The following GNB5 variants were observed in gnomAD, a reference collection of about 807,000 sequenced individuals.
GNB5 encodes guanine nucleotide-binding protein subunit beta-5.
In GNB5, 37 loss-of-function variants were observed where a neutral mutation model predicts 55.3. The observed-to-expected ratio is 0.67, with a 90% confidence interval of 0.51 to 0.88. The LOEUF (loss-of-function observed/expected upper bound fraction) is 0.88. Ranked by LOEUF, GNB5 falls within the 40% of genes least tolerant of loss-of-function variation. GNB5 has a pLI of 0.00. For missense variants in GNB5, 476 were observed against 515.3 expected (o/e 0.92, Z 0.74); for synonymous variants, 219 against 198.5 (o/e 1.10, Z -0.87).
In GNB5 at chr15:52,118,332, C is replaced by T. The variant is rs1280636188; in HGVS notation, c.*4425G>A. ...GACCCTTTCAGGGGGTCCTCACGGTCAAAACTATTTTCATAATAATATTGA... is the reference window on the plus strand; with the variant it reads ...GACCCTTTCAGGGGGTCCTCACGGTTAAAACTATTTTCATAATAATATTGA... On this transcript the variant is annotated 3_prime_UTR_variant, in exon 13 of 13. Coordinates refer to ENST00000261837, the MANE Select transcript of GNB5 (RefSeq NM_016194.4). The T allele has an allele frequency of 7.3e-5, 11 of 151,670 alleles. No individual in the cohort carries two copies. Among genetic ancestry groups the T allele is most frequent in the African/African-American group, 2.7e-4 (11 of 41,270 alleles). The allele number at this position is 151,670 out of a possible 1,614,324, so 9.4% of individuals were successfully genotyped here.
chr15:52,159,000 C>T (rs1381475190), intron 3 of GNB5, among the ~76,000 whole-genome samples: 1 of 152,076 alleles, frequency 6.6e-6, no homozygotes, highest in Non-Finnish European at 1.5e-5. Context: ...TATCTGAGCT[C>T]AGTCGAAAGG....
At chr15:52,137,404 A>AG (rs969364548) in intron 7 of GNB5, 156 of 1,030,040 alleles carry the variant, frequency 1.5e-4, no homozygotes, top group Non-Finnish European at 1.8e-4. Flanking sequence ...GACAAACTCC[A>AG]GGGGGGCCTA....
chr15:52,169,538 C>CAAA lies in GNB5; in HGVS notation c.238+10227_238+10229dup, dbSNP rs60470864. Among the ~76,000 whole-genome samples, 438 of 71,428 alleles carry CAAA rather than the reference C, an allele frequency of 6.1e-3. 10 individuals carry two copies. The highest frequency in any genetic ancestry group is 0.025 in the East Asian group (42 of 1,696). The allele number at this position is 71,428 out of a possible 152,430, so 46.9% of individuals were successfully genotyped here. On this transcript the variant is annotated intron_variant, in intron 3 of 12. Coordinates refer to ENST00000261837, the MANE Select transcript of GNB5 (RefSeq NM_016194.4). Reference sequence around the variant, plus strand: ...GGGTGACAAGAGCGAGACTCTGTCTCAAAAAAAAAAAAAAAAAAAAAAAAA... The same window carrying CAAA: ...GGGTGACAAGAGCGAGACTCTGTCTCAAAAAAAAAAAAAAAAAAAAAAAAAAAA...
At chr15:52,186,511 G>C (rs1011960207) in intron 1 of GNB5, among the ~76,000 whole-genome samples, 1 of 152,168 alleles carries the variant, frequency 6.6e-6, no homozygotes, top group Non-Finnish European at 1.5e-5. Context: ...GGAGATGTGG[G>C]TGCTGTGGCC....
At chr15:52,167,967 A>C (rs751701534) in intron 3 of GNB5, among the ~76,000 whole-genome samples, 1 of 152,246 alleles carries the variant, frequency 6.6e-6, no homozygotes, top group Non-Finnish European at 1.5e-5. Flanking sequence ...TTCATGTTAA[A>C]AACTCGCAAT....
chr15:52,161,973 C>G (rs1214213187), intron 3 of GNB5, among the ~76,000 whole-genome samples: 1 of 152,172 alleles, frequency 6.6e-6, no homozygotes, highest in African/African-American at 2.4e-5. Context: ...GAAGGCAGAG[C>G]TGAGCTGGTG....
At chr15:52,126,097 G>T in intron 10 of GNB5, 53 bp from the exon 11 acceptor site, 1 of 853,964 alleles carries the variant, frequency 1.2e-6, no homozygotes, top group Admixed American at 2.0e-5. Context: ...GTTTGGTGAC[G>T]TGATGACCAC....
At chr15:52,130,602 C>T (rs2033549789) in intron 9 of GNB5, among the ~76,000 whole-genome samples, 3 of 152,234 alleles carry the variant, frequency 2.0e-5, no homozygotes, top group Admixed American at 2.0e-4. Context: ...ACCACCATAA[C>T]ATTTTCTCTC....
chr15:52,134,183 T>C (rs1000466726), intron 8 of GNB5, among the ~76,000 whole-genome samples: 2 of 152,236 alleles, frequency 1.3e-5, no homozygotes, highest in Non-Finnish European at 2.9e-5. Flanking sequence ...TTTTCCATTA[T>C]CCTATCAAGG....
rs560438741 is a variant in GNB5, at chr15:52,136,016, T to C, written c.628-260A>G. The stretch of plus-strand genomic sequence containing the variant: ...TTTATATGGTTGTGGTTATTGCTTA[T>C]GCCGGGGGCAGTCAATCAGAGGCTT... On this transcript the variant is annotated intron_variant, in intron 7 of 12. Coordinates refer to ENST00000261837, the MANE Select transcript of GNB5 (RefSeq NM_016194.4). Among the ~76,000 whole-genome samples, 6 of 143,148 alleles carry C rather than the reference T, an allele frequency of 4.2e-5. No individual in the cohort carries two copies. The Admixed American group carries it at 4.3e-4, about 10-fold the overall frequency. The allele number at this position is 143,148 out of a possible 152,430, so 93.9% of individuals were successfully genotyped here. A position where few individuals can be genotyped will look rare whatever the true frequency, so the allele number is the denominator to read the frequency against.
chr15:52,122,540 C>A lies in GNB5; in HGVS notation c.*217G>T. ...AGTGTTCCAAAAGAAAAATACTGTA[C>A]TTGAAGGTATTCTCGCAGTGCTGAA... On this transcript the variant is annotated 3_prime_UTR_variant, in exon 13 of 13. Coordinates refer to ENST00000261837, the MANE Select transcript of GNB5 (RefSeq NM_016194.4). 1 of 533,934 alleles carries A rather than the reference C, an allele frequency of 1.9e-6. No individual in the cohort carries two copies. The highest frequency in any genetic ancestry group is 3.3e-6 in the Non-Finnish European group (1 of 302,170). The allele number at this position is 533,934 out of a possible 1,614,324, so 33.1% of individuals were successfully genotyped here. A position where few individuals can be genotyped will look rare whatever the true frequency, so the allele number is the denominator to read the frequency against.
At chr15:52,128,694 A>T (rs1191739253) in intron 9 of GNB5, 1 of 464,368 alleles carries the variant, frequency 2.2e-6, no homozygotes, top group Non-Finnish European at 4.3e-6. Context: ...CAGTTTCCTC[A>T]TCTGAAAAGT....
chr15:52,156,683 T>A (rs2141217835), intron 3 of GNB5, among the ~76,000 whole-genome samples: 1 of 152,178 alleles, frequency 6.6e-6, no homozygotes, highest in African/African-American at 2.4e-5. Flanking sequence ...TGGGCAGAGG[T>A]CGCAGTGAGC....
intron 10 of GNB5, among the ~76,000 whole-genome samples, chr15:52,127,413 G>T (rs1254649732): frequency 6.6e-6 from 1 of 151,948 alleles, no homozygotes; most frequent in Non-Finnish European, 1.5e-5. Context: ...AACTCCATTC[G>T]TATCTACAGG....
intron 6 of GNB5, among the ~76,000 whole-genome samples, chr15:52,147,005 A>AT (rs2033991160): frequency 1.3e-5 from 2 of 152,066 alleles, no homozygotes; most frequent in Non-Finnish European, 2.9e-5. Context: ...AAGGCTATCC[A>AT]TTTTTCAAGG....
intron 1 of GNB5, among the ~76,000 whole-genome samples, chr15:52,190,810 A>C (rs1001211606): frequency 8.9e-5 from 7 of 78,856 alleles, no homozygotes; most frequent in South Asian, 4.5e-4. Flanking sequence ...AAAAAAAAAA[A>C]AAAAAAAACA....
At chr15:52,158,587 TGG>T (rs1165950833) in intron 3 of GNB5, among the ~76,000 whole-genome samples, 1 of 151,968 alleles carries the variant, frequency 6.6e-6, no homozygotes, top group African/African-American at 2.4e-5. Flanking sequence ...TCACTAGCAC[TGG>T]GAGTGGGAGG....
rs557064535 is a variant in GNB5 at position 52,152,854 on chromosome 15, G to A, written c.375+1086C>T. ...CTCACCATTTGGTCTCGAACTCCTG[G>A]ATTCAAGTGATCCTCCTGCCTTGGC... On this transcript the variant is annotated intron_variant, in intron 4 of 12. Transcript: ENST00000261837. 7.5e-4 allele frequency among the ~76,000 whole-genome samples: 114 copies of A among 151,498 alleles called. 2 individuals carry two copies. Among genetic ancestry groups the A allele is most frequent in the Non-Finnish European group, 1.2e-3 (80 of 67,830 alleles).
chr15:52,181,906 A>G (rs2034777513), intron 2 of GNB5, among the ~76,000 whole-genome samples: 1 of 151,870 alleles, frequency 6.6e-6, no homozygotes, highest in South Asian at 2.1e-4. Flanking sequence ...CATATAACAA[A>G]CATGTTTATA....
Sources: allele counts gnomAD v4.1 joint callset (sites outside exome capture counted in the v4.1 genomes callset), GRCh38; gene constraint gnomAD v4.1.1; transcripts MANE v1.5; gene names NCBI Gene and HGNC (gene_info 2026-07-23, HGNC 2026-07-21).